The following ZFYVE26 variants were observed in gnomAD, a reference collection of about 807,000 sequenced individuals.
ZFYVE26 encodes the protein zinc finger FYVE-type containing 26.
A neutral mutation model predicts 276.5 loss-of-function variants in ZFYVE26; 181 were observed. The ratio of observed to expected loss-of-function variants is 0.65; its 90% confidence interval spans 0.58 to 0.74. The LOEUF is 0.74. Ranked by LOEUF, ZFYVE26 falls within the 30% of genes least tolerant of loss-of-function variation. ZFYVE26 has a pLI of 0.00. For synonymous variants in ZFYVE26, 1,129 were observed against 1,203.1 expected (o/e 0.94, Z 1.27); for missense variants, 2,821 against 3,097.9 (o/e 0.91, Z 2.12).
rs527437613 is a variant in ZFYVE26 at position 67,798,936 on chromosome 14, G to T, written c.1640-314C>A. 6.6e-4 allele frequency: 733 copies of T among 1,105,516 alleles called. 2 individuals are homozygous for T. The highest frequency in any genetic ancestry group is 8.5e-4 in the South Asian group (66 of 77,930). The allele number at this position is 1,105,516 out of a possible 1,614,324, so 68.5% of individuals were successfully genotyped here. On this transcript the variant is annotated intron_variant, in intron 10 of 41. Coordinates refer to ENST00000347230, the MANE Select transcript of ZFYVE26 (RefSeq NM_015346.4). ...GCGCTGAGCTCCGCTTGGCGCCTCT[G>T]ATCTTTATTTCTCGCGCCGCGGTTT...
chr14:67,809,088 G>A, intron 4 of ZFYVE26, 112 bp downstream of exon 4: 2 of 946,412 alleles, frequency 2.1e-6, no homozygotes, highest in East Asian at 2.4e-5. Flanking sequence ...TGCCTTGCCT[G>A]AGAACAAAGT....
chr14:67,783,035 C>A lies in ZFYVE26; in HGVS notation c.4117G>T (p.Ala1373Ser). ...AAAGACCCTCGCAGGGGCTCCCAGG[C>A]AGCCAGGAGGAAGGCCTCAAACAGA... The part of the protein sequence containing the change: ...FPLFEAFLLA[A>S]WEPLRGSLQQ... Residue 1373 changes from alanine (A) to serine (S), a missense_variant, in exon 21 of 42, where the codon GCC (alanine) becomes TCC (serine). Coordinates refer to ENST00000347230, the MANE Select transcript of ZFYVE26 (RefSeq NM_015346.4). 1.2e-6 allele frequency: 2 copies of A among 1,614,210 alleles called. No homozygotes were observed. The highest frequency in any genetic ancestry group is 1.7e-6 in the Non-Finnish European group (2 of 1,180,028).
At position 67,752,395 on chromosome 14, in the gene ZFYVE26, C is replaced by T; in HGVS notation, c.7320G>A (p.Gly2440=). The change falls in exon 40 of 42, where the codon GGG becomes GGA. Residue 2440 remains glycine, a synonymous_variant. Coordinates refer to ENST00000347230, the MANE Select transcript of ZFYVE26 (RefSeq NM_015346.4). ...CCAGGCAGTTGAGGAGGATGGTGTC[C>T]CCGTCACTTTTGGCTGCCATGCCTG... The part of the protein sequence containing the change: ...SESGMAAKSD[G]DTILLNCLEA... The T allele has an allele frequency of 6.2e-7, 1 of 1,612,862 alleles. No individual in the cohort carries two copies. Among genetic ancestry groups the T allele is most frequent in the Non-Finnish European group, 8.5e-7 (1 of 1,179,584 alleles).
intron 10 of ZFYVE26, among the ~76,000 whole-genome samples, chr14:67,800,676 T>A (rs184230645): frequency 6.6e-6 from 1 of 152,206 alleles, no homozygotes; most frequent in Non-Finnish European, 1.5e-5. Context: ...GTAGATGAGT[T>A]GGTATGAGAA....
chr14:67,786,335 C>T (rs2039659331), intron 16 of ZFYVE26, 102 bp from the exon 17 acceptor site: 1 of 1,406,842 alleles, frequency 7.1e-7, no homozygotes, highest in African/African-American at 1.5e-5. Context: ...TTTATCCTCT[C>T]CAATATTAAG....
At chr14:67,792,278 C>T (rs1446961763) in intron 14 of ZFYVE26, among the ~76,000 whole-genome samples, 1 of 152,018 alleles carries the variant, frequency 6.6e-6, no homozygotes, top group Non-Finnish European at 1.5e-5. Context: ...AGATAAACTA[C>T]CAAATACTTT....
rs147573500 is a variant in ZFYVE26 at position 67,761,938 on chromosome 14, CT to C, written c.6369+264del. 2,973 of 563,094 alleles carry C rather than the reference CT, an allele frequency of 5.3e-3. 111 individuals carry two copies. In the East Asian group the frequency reaches 0.077, roughly 15 times the overall value. 34.9% of individuals were successfully genotyped at this position (563,094 alleles called of 1,614,324 possible). ...CACCAGAATTTTAACACTAATCAGT[CT>C]GTGTATGGGATTATATGTCATATGT... On this transcript the variant is annotated intron_variant, in intron 34 of 41. Transcript: ENST00000347230.
At chr14:67,759,519 G>A (rs1463701364) in intron 35 of ZFYVE26, among the ~76,000 whole-genome samples, 1 of 150,952 alleles carries the variant, frequency 6.6e-6, no homozygotes, top group Non-Finnish European at 1.5e-5. Flanking sequence ...AGCTAATCAG[G>A]AGTCTGAGGC....
intron 18 of ZFYVE26, 66 bp downstream of exon 18, chr14:67,785,792 G>A (rs993773741): frequency 3.5e-5 from 57 of 1,608,398 alleles, no homozygotes; most frequent in Middle Eastern, 1.9e-4. Flanking sequence ...AAAGTGCTTC[G>A]TTACTCTCAG....
chr14:67,745,875 A>T (rs2038478101), downstream of ZFYVE26, among the ~76,000 whole-genome samples: 1 of 149,722 alleles, frequency 6.7e-6, no homozygotes, highest in Non-Finnish European at 1.5e-5. Flanking sequence ...AAAATAAAAA[A>T]AAATTAGCCA....
In ZFYVE26 at chr14:67,769,685, T is replaced by A; in HGVS notation, c.5530A>T (p.Ser1844Cys). Residue 1844 changes from serine (S) to cysteine (C), a missense_variant, in exon 29 of 42, where the codon AGC becomes TGC. By Grantham distance (112) the Ser-to-Cys change is moderately radical. Coordinates refer to ENST00000347230, the MANE Select transcript of ZFYVE26 (RefSeq NM_015346.4). The part of the protein sequence containing the change: ...HCRRCGRLVC[S>C]SCSTKKMVVE... ...ACCATTTTCTTAGTGGAGCAGGAGC[T>A]GCACACTAGCCGGCCACAGCGGCGA... 1 of 1,614,104 alleles carries A rather than the reference T, an allele frequency of 6.2e-7. No individual in the cohort carries two copies. The highest frequency in any genetic ancestry group is 1.1e-5 in the South Asian group (1 of 91,068).
chr14:67,739,157 A>G (rs2038385997), intron 13 of ZFYVE26, among the ~76,000 whole-genome samples: 1 of 152,216 alleles, frequency 6.6e-6, no homozygotes, highest in African/African-American at 2.4e-5. Context: ...AGGCTTCCTC[A>G]TTGGTTAAAA....
At chr14:67,744,726 C>T (rs1332854957), downstream of ZFYVE26, among the ~76,000 whole-genome samples, 1 of 152,178 alleles carries the variant, frequency 6.6e-6, no homozygotes, top group Non-Finnish European at 1.5e-5. Flanking sequence ...ATCCATGTCC[C>T]TGCAAAGGAC....
At chr14:67,797,840 T>G in intron 11 of ZFYVE26, 85 bp from the exon 12 acceptor site, 2 of 1,585,476 alleles carry the variant, frequency 1.3e-6, no homozygotes, top group Non-Finnish European at 8.6e-7. Context: ...TGGGGAAGGT[T>G]TGCACTGGGC....
chr14:67,763,421 G>A (rs531565616), intron 32 of ZFYVE26, among the ~76,000 whole-genome samples: 1 of 152,300 alleles, frequency 6.6e-6, no homozygotes, highest in East Asian at 1.9e-4. Flanking sequence ...TACAATGGTG[G>A]CCACATAGGA....
chr14:67,790,666 A>C lies in ZFYVE26; in HGVS notation c.2661T>G (p.Ile887Met), dbSNP rs765172292. 7 of 1,614,018 alleles carry C rather than the reference A, an allele frequency of 4.3e-6. No homozygotes were observed. The highest frequency in any genetic ancestry group is 4.2e-6 in the Non-Finnish European group (5 of 1,180,022). ...IQELAQVEHK[I>M]ENQNSDAGSS... ...TACCCGCATCTGAGTTCTGGTTTTC[A>C]ATCTTGTGCTCTACTTGGGCCAGTT... The change falls in exon 15 of 42, where the codon ATT (isoleucine) becomes ATG (methionine). Residue 887 changes from isoleucine (I) to methionine (M), a missense_variant. Physicochemically the swap from Ile to Met is conservative, Grantham distance 10. Transcript: ENST00000347230.
In ZFYVE26 at chr14:67,807,732, G is replaced by C. The variant is rs2040215497; in HGVS notation, c.552C>G (p.Leu184=). The change falls in exon 5 of 42, where the codon CTC becomes CTG. Residue 184 remains leucine, a synonymous_variant. Coordinates refer to ENST00000347230, the MANE Select transcript of ZFYVE26 (RefSeq NM_015346.4). ...LLLEEDDGTG[L]CHWPLQNALV... ...GTGCATTCTGCAGAGGCCAGTGACAGAGGCCAGTACCGTCATCCTCCTCAA... is the reference window on the plus strand; with the variant it reads ...GTGCATTCTGCAGAGGCCAGTGACACAGGCCAGTACCGTCATCCTCCTCAA... 1.2e-6 allele frequency: 2 copies of C among 1,614,102 alleles called. No homozygotes were observed. The highest frequency in any genetic ancestry group is 3.3e-5 in the Admixed American group (2 of 60,008).
Position 67,782,859 on chromosome 14 carries a change from C to A in ZFYVE26, c.4293G>T (p.Gln1431His). 6.2e-7 allele frequency: 1 copy of A among 1,614,222 alleles called. No homozygotes were observed. Residue 1431 changes from glutamine (Q) to histidine (H), a missense_variant, in exon 21 of 42, where the codon CAG (glutamine) becomes CAT (histidine). Transcript: ENST00000347230. ...LVARDWSRAL[Q>H]LTEVYGRDVD... is the part of the protein sequence containing the mutation. ...CATCTCGCCCGTACACTTCAGTGAG[C>A]TGAAGGGCCCGGGACCAATCTCTGG...
chr14:67,809,714 G>T (rs192447732), intron 3 of ZFYVE26, among the ~76,000 whole-genome samples: 1 of 150,826 alleles, frequency 6.6e-6, no homozygotes, highest in Middle Eastern at 3.6e-3. Context: ...GAGCTACCAC[G>T]CCTGGCCTAA....
Sources: allele counts gnomAD v4.1 joint callset (sites outside exome capture counted in the v4.1 genomes callset), GRCh38; gene constraint gnomAD v4.1.1; transcripts MANE v1.5; gene names NCBI Gene and HGNC (gene_info 2026-07-23, HGNC 2026-07-21).